Variants in NFILZ observed in about 807,000 individuals in gnomAD.
The protein encoded by NFILZ is NFIL3 like basic leucine zipper.
intron 3 of NFILZ, among the ~76,000 whole-genome samples, chr19:8,659,285 T>A (rs2043019170): frequency 6.6e-6 from 1 of 152,014 alleles, no homozygotes; most frequent in South Asian, 2.1e-4. Flanking sequence ...AAAGAGACAT[T>A]AATGAAATAA....
chr19:8,648,531 G>C (rs1203545920), intron 3 of NFILZ, among the ~76,000 whole-genome samples: 1 of 151,990 alleles, frequency 6.6e-6, no homozygotes, highest in Non-Finnish European at 1.5e-5. Context: ...AAAAAAGGCA[G>C]ATGTGGCTGG....
chr19:8,630,706 A>C lies in NFILZ; in HGVS notation c.-449A>C, dbSNP rs1255570641. 6.6e-6 allele frequency: 1 copy of C among 152,544 alleles called. No homozygotes were observed. Among genetic ancestry groups the C allele is most frequent in the Admixed American group, 6.6e-5 (1 of 15,266 alleles). The allele number at this position is 152,544 out of a possible 1,614,324, so 9.4% of individuals were successfully genotyped here. A position where few individuals can be genotyped will look rare whatever the true frequency, so the allele number is the denominator to read the frequency against. ...AGGGGAACCTGAGGGCTTGGGTGGAAGACTGGAGAGCCAGGAGGAGCAAGG... is the reference window on the plus strand; with the variant it reads ...AGGGGAACCTGAGGGCTTGGGTGGACGACTGGAGAGCCAGGAGGAGCAAGG... On this transcript the variant is annotated 5_prime_UTR_variant, in exon 1 of 6. Coordinates refer to ENST00000691075, the MANE Select transcript of NFILZ (RefSeq NM_001378600.1).
intron 3 of NFILZ, among the ~76,000 whole-genome samples, chr19:8,658,774 G>C (rs1414797093): frequency 6.6e-6 from 1 of 152,168 alleles, no homozygotes; most frequent in Non-Finnish European, 1.5e-5. Context: ...GACAGGCAGT[G>C]GCGTCATGAA....
rs1463898144 is a variant in NFILZ, at chr19:8,652,838, CTTTCTTTCTTTCCT to C, written c.-164+17104_-164+17117del. Among the ~76,000 whole-genome samples, 4 of 145,682 alleles carry C rather than the reference CTTTCTTTCTTTCCT, an allele frequency of 2.7e-5. No homozygotes were observed. The East Asian group carries it at 6.1e-4, about 22-fold the overall frequency. ...CTCTCTCTCTTCTTTCTCACTTTCT[CTTTCTTTCTTTCCT>C]TTTCTTTCTTTTCTTACTTTCTTCC... On this transcript the variant is annotated intron_variant, in intron 3 of 5. Coordinates refer to ENST00000691075, the MANE Select transcript of NFILZ (RefSeq NM_001378600.1).
chr19:8,636,827 A>G (rs2042896984), intron 3 of NFILZ, among the ~76,000 whole-genome samples: 1 of 151,816 alleles, frequency 6.6e-6, no homozygotes, highest in Admixed American at 6.6e-5. Flanking sequence ...CCTGACCACA[A>G]GTGATCCGCC....
At chr19:8,667,429 G>T (rs1166630348) in intron 3 of NFILZ, among the ~76,000 whole-genome samples, 3 of 152,148 alleles carry the variant, frequency 2.0e-5, no homozygotes, top group African/African-American at 4.8e-5. Context: ...TGATATCTGG[G>T]GGGGATTGGT....
intron 3 of NFILZ, among the ~76,000 whole-genome samples, chr19:8,656,300 CTCCCG>C (rs2042994826): frequency 2.7e-5 from 3 of 110,130 alleles, no homozygotes; most frequent in Non-Finnish European, 3.8e-5. Context: ...AGCCCACCTC[CTCCCG>C]CAGCGCACCT....
intron 2 of NFILZ, among the ~76,000 whole-genome samples, chr19:8,634,845 A>G (rs537758900): frequency 6.6e-6 from 1 of 152,182 alleles, no homozygotes; most frequent in East Asian, 1.9e-4. Flanking sequence ...GCCCCACTGC[A>G]CTTTAGCCAA....
chr19:8,674,163 A>C (rs1555750527), intron 3 of NFILZ, among the ~76,000 whole-genome samples: 1 of 152,182 alleles, frequency 6.6e-6, no homozygotes, highest in East Asian at 1.9e-4. Context: ...TCCAAGCCCA[A>C]CCAAGATTTC....
Position 8,670,255 on chromosome 19 carries a change from C to T in NFILZ, c.-163-4296C>T, listed in dbSNP as rs183033025. Among the ~76,000 whole-genome samples the T allele has an allele frequency of 5.9e-5, 9 of 152,180 alleles. No homozygotes were observed. In the East Asian group the frequency reaches 1.5e-3, roughly 26 times the overall value. ...TAGCTGGGACTACAGGTAGAAACCACCACACATGGCTAATTTTTGTATTTT... is the reference window on the plus strand; with the variant it reads ...TAGCTGGGACTACAGGTAGAAACCATCACACATGGCTAATTTTTGTATTTT... On this transcript the variant is annotated intron_variant, in intron 3 of 5. Transcript: ENST00000691075.
rs1434382249 is a variant in NFILZ at position 8,680,196 on chromosome 19, A to G, written c.*2561A>G. ...GGGCGACAGAGCGAGACTCCATCTG[A>G]AAAAAAAAAAAAAAAAAAGGAAAAA... On this transcript the variant is annotated 3_prime_UTR_variant, in exon 6 of 6. Coordinates refer to ENST00000691075, the MANE Select transcript of NFILZ (RefSeq NM_001378600.1). 5.5e-4 allele frequency among the ~76,000 whole-genome samples: 4 copies of G among 7,248 alleles called. No individual in the cohort carries two copies. Among genetic ancestry groups the G allele is most frequent in the South Asian group, 9.4e-3 (1 of 106 alleles). 4.8% of individuals were successfully genotyped at this position (7,248 alleles called of 152,430 possible).
At chr19:8,675,154 G>A (rs2043105161) in intron 4 of NFILZ, among the ~76,000 whole-genome samples, 1 of 152,208 alleles carries the variant, frequency 6.6e-6, no homozygotes, top group South Asian at 2.1e-4. Flanking sequence ...ACATACATAT[G>A]CCCTTATGGA....
chr19:8,674,723 G>A (rs549389295), intron 4 of NFILZ, among the ~76,000 whole-genome samples, 123 bp downstream of exon 4: 64 of 152,224 alleles, frequency 4.2e-4, no homozygotes, highest in South Asian at 8.3e-4. Flanking sequence ...GAGGTCCTTG[G>A]AGTGTTGCTA....
chr19:8,664,804 G>T (rs1194239936), intron 3 of NFILZ, among the ~76,000 whole-genome samples: 1 of 152,028 alleles, frequency 6.6e-6, no homozygotes, highest in Non-Finnish European at 1.5e-5. Flanking sequence ...CTCATCTCAG[G>T]CCCCCCAAGT....
intron 3 of NFILZ, among the ~76,000 whole-genome samples, chr19:8,671,796 A>G (rs1341461195): frequency 6.6e-6 from 1 of 152,180 alleles, no homozygotes; most frequent in Non-Finnish European, 1.5e-5. Flanking sequence ...CATCCGTTGA[A>G]GTTGGAATGG....
intron 3 of NFILZ, among the ~76,000 whole-genome samples, chr19:8,646,039 TTC>T: frequency 6.6e-6 from 1 of 152,078 alleles, no homozygotes; most frequent in South Asian, 2.1e-4. Flanking sequence ...TTATTTTTTT[TTC>T]TTTTTTTTTG....
At chr19:8,668,618 CT>C (rs1238157073) in intron 3 of NFILZ, among the ~76,000 whole-genome samples, 1 of 152,124 alleles carries the variant, frequency 6.6e-6, no homozygotes, top group Non-Finnish European at 1.5e-5. Flanking sequence ...TCATTATCTT[CT>C]TTAGGTTATT....
At chr19:8,663,736 G>GTATGTA (rs782229587) in intron 3 of NFILZ, among the ~76,000 whole-genome samples, 9 of 136,036 alleles carry the variant, frequency 6.6e-5, no homozygotes, top group African/African-American at 2.4e-4. Context: ...GTGTGTGTGT[G>GTATGTA]TGTGTGTGTG....
chr19:8,648,727 C>T (rs908829783), intron 3 of NFILZ, among the ~76,000 whole-genome samples: 49 of 151,854 alleles, frequency 3.2e-4, no homozygotes, highest in Middle Eastern at 3.4e-3. Flanking sequence ...TGGTGCATGC[C>T]TGTAATCCCA....
Sources: gnomAD v4.1 joint callset for allele counts (sites outside exome capture counted in the v4.1 genomes callset) on GRCh38, gnomAD v4.1.1 for gene constraint, MANE v1.5 for transcripts, NCBI Gene and HGNC (gene_info 2026-07-23, HGNC 2026-07-21) for gene names.